Variants in STK3 observed in about 807,000 individuals in gnomAD.
STK3 encodes the protein serine/threonine kinase 3.
STK3 carries 41 observed loss-of-function variants against 58.0 expected under a neutral mutation model. That is an observed-to-expected ratio of 0.71 (90% CI 0.55 to 0.92). STK3 has a LOEUF of 0.92. Among genes scored for constraint, STK3 ranks in the 40% least tolerant of loss-of-function variants. STK3 has a pLI of 0.00. For synonymous variants in STK3, 170 were observed against 191.0 expected, an observed-to-expected ratio of 0.89 and a Z score of 0.91; for missense variants, 479 against 602.7, an observed-to-expected ratio of 0.79 and a Z score of 2.15.
intron 6 of STK3, among the ~76,000 whole-genome samples, chr8:98,696,779 T>C (rs1397021348): frequency 2.6e-5 from 4 of 152,166 alleles, no homozygotes; most frequent in Non-Finnish European, 4.4e-5. Flanking sequence ...TTGAGGATTT[T>C]TGCATCAATG....
At chr8:98,366,194 A>G in the STK3 span, among the ~76,000 whole-genome samples, 1 of 152,152 alleles carries the variant, frequency 6.6e-6, no homozygotes. Flanking sequence ...TGTGCAATTG[A>G]ATTTCCTTGT....
chr8:98,514,812 A>G lies in STK3; in HGVS notation c.1317+11930T>C, dbSNP rs185149739. ...ATGGTTCCATTCTGTACTTTCAACT[A>G]TCTAATAGATTTATATGTCCTCCAG... On this transcript the variant is annotated intron_variant, in intron 10 of 10. Coordinates refer to ENST00000419617, the MANE Select transcript of STK3 (RefSeq NM_006281.4). Among the ~76,000 whole-genome samples, 19 of 152,172 alleles carry G rather than the reference A, an allele frequency of 1.2e-4. 1 individual carries two copies. Among genetic ancestry groups the G allele is most frequent in the South Asian group, 6.2e-4 (3 of 4,828 alleles).
chr8:98,589,683 G>A (rs556973359), intron 7 of STK3, among the ~76,000 whole-genome samples: 21 of 152,334 alleles, frequency 1.4e-4, no homozygotes, highest in African/African-American at 4.8e-5. Flanking sequence ...AATGGCGGGC[G>A]CCCCTCCCCC....
intron 3 of STK3, among the ~76,000 whole-genome samples, chr8:98,864,097 G>A (rs1477614922): frequency 1.3e-5 from 2 of 151,164 alleles, no homozygotes; most frequent in Admixed American, 1.3e-4. Flanking sequence ...TACTCCGGAG[G>A]CTGAGGCAGG....
At position 98,706,939 on chromosome 8, in the gene STK3, T is replaced by A. The variant is rs77876673; in HGVS notation, c.516+208A>T. On this transcript the variant is annotated intron_variant, in intron 5 of 10. Transcript: ENST00000419617. ...TTCCCTTTTAGAACATTTAAGCATTTTGATTATAAGATATATTTTCACATT... is the reference window on the plus strand; with the variant it reads ...TTCCCTTTTAGAACATTTAAGCATTATGATTATAAGATATATTTTCACATT... Among the ~76,000 whole-genome samples the A allele has an allele frequency of 3.3e-4, 50 of 152,336 alleles. 1 individual carries two copies. The East Asian group carries it at 9.4e-3, about 29-fold the overall frequency.
intron 1 of STK3, among the ~76,000 whole-genome samples, chr8:98,387,977 A>G (rs183829098): frequency 6.6e-5 from 10 of 152,128 alleles, no homozygotes; most frequent in Admixed American, 4.6e-4. Context: ...AATGACCCAG[A>G]AACTACCTGA....
intron 8 of STK3, among the ~76,000 whole-genome samples, chr8:98,575,138 T>C (rs1813293882): frequency 6.6e-6 from 1 of 152,168 alleles, no homozygotes; most frequent in Non-Finnish European, 1.5e-5. Context: ...ATTCTAGATT[T>C]TGAGCTGATA....
intron 1 of STK3, among the ~76,000 whole-genome samples, chr8:98,898,826 A>G (rs1478815918): frequency 6.6e-6 from 1 of 152,208 alleles, no homozygotes; most frequent in Non-Finnish European, 1.5e-5. Context: ...AAGAGTACAC[A>G]GGGAGTAAAA....
At chr8:98,718,563 G>A (rs74674973) in intron 4 of STK3, among the ~76,000 whole-genome samples, 4,395 of 152,194 alleles carry the variant, frequency 0.029, 87 homozygotes, top group Non-Finnish European at 0.041. Flanking sequence ...CATTTGAAAC[G>A]TGGGTATTCT....
chr8:98,773,215 G>A (rs954777458), intron 2 of STK3, among the ~76,000 whole-genome samples: 3 of 152,014 alleles, frequency 2.0e-5, no homozygotes, highest in African/African-American at 7.2e-5. Context: ...TTCTAAAAGA[G>A]ATACATTGAA....
intron 10 of STK3, among the ~76,000 whole-genome samples, chr8:98,472,404 C>T (rs1820992404): frequency 6.6e-6 from 1 of 152,178 alleles, no homozygotes; most frequent in Non-Finnish European, 1.5e-5. Context: ...TACTCACATA[C>T]ACCTTATGGT....
the STK3 span, among the ~76,000 whole-genome samples, chr8:98,363,990 TTCTC>T: frequency 6.6e-6 from 1 of 152,124 alleles, no homozygotes; most frequent in Non-Finnish European, 1.5e-5. Context: ...CCCAGCGCTG[TTCTC>T]TCTATCACAG....
chr8:98,427,960 G>C (rs1818264471), intron 3 of STK3: 28 of 1,482,838 alleles, frequency 1.9e-5, no homozygotes, highest in South Asian at 2.7e-5. Context: ...CGCGCGGCGC[G>C]GGCGGCCGGC....
intron 1 of STK3, among the ~76,000 whole-genome samples, chr8:98,796,461 C>G (rs1003978836): frequency 1.3e-5 from 2 of 152,074 alleles, no homozygotes; most frequent in African/African-American, 4.8e-5. Flanking sequence ...AAACTGGACC[C>G]CTAACTCAAG....
At chr8:98,900,533 G>A (rs1301179712) in intron 1 of STK3, among the ~76,000 whole-genome samples, 1 of 151,852 alleles carries the variant, frequency 6.6e-6, no homozygotes, top group African/African-American at 2.4e-5. Flanking sequence ...GACAAAAATT[G>A]TATATATTTA....
At chr8:98,429,188 C>T in intron 3 of STK3, 1 of 1,613,952 alleles carries the variant, frequency 6.2e-7, no homozygotes, top group Non-Finnish European at 8.5e-7. Flanking sequence ...TCGTGGTGGT[C>T]CTGCCCATCA....
At chr8:98,825,823 GCCC>G, upstream of STK3, 2 of 59,450 alleles carry the variant, frequency 3.4e-5, no homozygotes, top group African/African-American at 1.3e-4. Context: ...CGGCCGCCCC[GCCC>G]CGCCCCCGGC....
At chr8:98,499,579 T>G (rs930642817) in intron 10 of STK3, among the ~76,000 whole-genome samples, 1 of 152,092 alleles carries the variant, frequency 6.6e-6, no homozygotes. Context: ...CAGAAGAAAG[T>G]GAGGAGCATG....
At chr8:98,846,411 C>T (rs1228537019) in intron 3 of STK3, among the ~76,000 whole-genome samples, 1 of 152,164 alleles carries the variant, frequency 6.6e-6, no homozygotes, top group Non-Finnish European at 1.5e-5. Context: ...TCCTATTTTT[C>T]AGTTCTGATT....
Sources: gnomAD v4.1 joint callset for allele counts (sites outside exome capture counted in the v4.1 genomes callset) on GRCh38, gnomAD v4.1.1 for gene constraint, MANE v1.5 for transcripts, NCBI Gene and HGNC (gene_info 2026-07-23, HGNC 2026-07-21) for gene names.